Variants in P2RY12 observed in about 807,000 individuals in gnomAD.
P2RY12 encodes purinergic receptor P2Y12.
Under a neutral mutation model 4.5 loss-of-function variants are expected in P2RY12, and 3 were observed. The observed-to-expected ratio is 0.67, with a 90% CI of 0.31 to 1.74. P2RY12 has a LOEUF of 1.74. Among genes scored for constraint, P2RY12 ranks in the 40% most tolerant of loss-of-function variants. P2RY12 has a pLI of 0.09. For synonymous variants in P2RY12, 148 were observed against 154.1 expected (o/e 0.96, Z 0.29); for missense variants, 356 against 407.8 (o/e 0.87, Z 1.09).
intron 1 of P2RY12, chr3:151,369,378 A>G: frequency 2.5e-6 from 3 of 1,216,902 alleles, no homozygotes; most frequent in Non-Finnish European, 3.5e-6. Context: ...CCTGTAAATA[A>G]TTACAAAACA....
intron 1 of P2RY12, among the ~76,000 whole-genome samples, chr3:151,352,074 G>C (rs1753302362): frequency 6.6e-6 from 1 of 152,086 alleles, no homozygotes; most frequent in African/African-American, 2.4e-5. Flanking sequence ...GAAATCTTGG[G>C]GATGAGACCC....
intron 1 of P2RY12, among the ~76,000 whole-genome samples, chr3:151,343,702 T>C (rs7641645): frequency 0.4 from 60,068 of 152,000 alleles, 12,145 homozygotes; most frequent in African/African-American, 0.47. Flanking sequence ...TTATTTTGTA[T>C]AATTGAGATG....
intron 1 of P2RY12, chr3:151,382,640 T>G: frequency 2.5e-6 from 4 of 1,597,336 alleles, no homozygotes; most frequent in Non-Finnish European, 3.4e-6. Flanking sequence ...ATGGGGAGTT[T>G]TTTTCCGGAT....
chr3:151,350,078 A>T (rs1753029945), intron 1 of P2RY12: 1 of 1,611,588 alleles, frequency 6.2e-7, no homozygotes, highest in African/African-American at 1.3e-5. Context: ...TCAAGTCATG[A>T]ATGTAACCAG....
Position 151,368,679 on chromosome 3 carries a change from CATTTCATTTT to C in P2RY12, c.-180+16003_-180+16012del, listed in dbSNP as rs1301662842. On this transcript the variant is annotated intron_variant, in intron 1 of 2. Coordinates refer to ENST00000302632, the MANE Select transcript of P2RY12 (RefSeq NM_022788.5). ...CATTTCATTTCATTTCATTTCATGT[CATTTCATTTT>C]ATTTCATTTCATTTCATTTCATTTC... Among the ~76,000 whole-genome samples, 49 of 41,908 alleles carry C rather than the reference CATTTCATTTT, an allele frequency of 1.2e-3. 2 individuals carry two copies. Among genetic ancestry groups the C allele is most frequent in the South Asian group, 3.5e-3 (4 of 1,150 alleles). The allele number at this position is 41,908 out of a possible 152,430, so 27.5% of individuals were successfully genotyped here.
At chr3:151,367,790 C>T (rs3732764) in intron 1 of P2RY12, 27 of 1,584,314 alleles carry the variant, frequency 1.7e-5, no homozygotes, top group Admixed American at 5.3e-5. Context: ...CATGAACATC[C>T]GTTGCTCTTT....
At chr3:151,367,114 G>A (rs965973287) in intron 1 of P2RY12, among the ~76,000 whole-genome samples, 94 of 60,982 alleles carry the variant, frequency 1.5e-3, no homozygotes, top group African/African-American at 0.011. Context: ...TTCCCCCTCT[G>A]TCCTTTTTCT....
At chr3:151,377,099 A>T in intron 1 of P2RY12, 1 of 1,614,118 alleles carries the variant, frequency 6.2e-7, no homozygotes, top group Non-Finnish European at 8.5e-7. Flanking sequence ...TAATTCTGGC[A>T]TGAGCCTCTT....
intron 1 of P2RY12, among the ~76,000 whole-genome samples, chr3:151,360,119 A>C (rs1754428914): frequency 6.6e-6 from 1 of 152,088 alleles, no homozygotes; most frequent in African/African-American, 2.4e-5. Flanking sequence ...ACGCTGATGG[A>C]ATTTGTGAAT....
chr3:151,354,594 A>G (rs1753688050), intron 1 of P2RY12, among the ~76,000 whole-genome samples: 1 of 152,248 alleles, frequency 6.6e-6, no homozygotes, highest in African/African-American at 2.4e-5. Flanking sequence ...TATCATTGTA[A>G]TTTAAAAGTT....
intron 1 of P2RY12, among the ~76,000 whole-genome samples, chr3:151,343,906 T>C (rs1275664640): frequency 6.6e-6 from 1 of 152,170 alleles, no homozygotes. Context: ...TTAGGCTGTT[T>C]TAGTTCCAGT....
chr3:151,378,174 G>T, intron 1 of P2RY12: 1 of 1,599,738 alleles, frequency 6.3e-7, no homozygotes, highest in Non-Finnish European at 8.5e-7. Context: ...AACAGAAAAG[G>T]TGTGGCTGGA....
rs868790738 is a variant in P2RY12 at position 151,337,840 on chromosome 3, G to T, written c.1006C>A (p.Pro336Thr). The change falls in exon 3 of 3, where the codon CCA (proline) becomes ACA (threonine). Residue 336 changes from proline (P) to threonine (T), a missense_variant. Transcript: ENST00000302632. ...NRKKEQDGGD[P>T]NEETPM Reference sequence around the variant, plus strand: ...GTTTACATTGGAGTCTCTTCATTTGGGTCACCACCATCCTGTTCTTTTTTC... The same window carrying T: ...GTTTACATTGGAGTCTCTTCATTTGTGTCACCACCATCCTGTTCTTTTTTC... 1 of 1,613,918 alleles carries T rather than the reference G, an allele frequency of 6.2e-7. No homozygotes were observed. The highest frequency in any genetic ancestry group is 8.5e-7 in the Non-Finnish European group (1 of 1,179,946).
At chr3:151,364,029 C>G (rs1754968515) in intron 1 of P2RY12, among the ~76,000 whole-genome samples, 1 of 152,072 alleles carries the variant, frequency 6.6e-6, no homozygotes, top group African/African-American at 2.4e-5. Flanking sequence ...TAGGTCACCA[C>G]AAACCACAAA....
intron 1 of P2RY12, among the ~76,000 whole-genome samples, chr3:151,361,918 A>G (rs1754656881): frequency 6.6e-6 from 1 of 152,074 alleles, no homozygotes; most frequent in African/African-American, 2.4e-5. Context: ...ATGCTTATTT[A>G]ATGTTATTTT....
intron 1 of P2RY12, among the ~76,000 whole-genome samples, chr3:151,351,248 C>T (rs116643065): frequency 5.0e-4 from 76 of 152,180 alleles, no homozygotes; most frequent in African/African-American, 1.8e-3. Context: ...TCTTTCTTCC[C>T]GGTCAATCAT....
intron 1 of P2RY12, among the ~76,000 whole-genome samples, chr3:151,346,077 G>A (rs1752499386): frequency 6.6e-6 from 1 of 152,132 alleles, no homozygotes; most frequent in Non-Finnish European, 1.5e-5. Context: ...TCATGACTTT[G>A]TTCCTTGGCC....
At chr3:151,378,033 A>G in intron 1 of P2RY12, 3 of 1,609,932 alleles carry the variant, frequency 1.9e-6, no homozygotes, top group Non-Finnish European at 1.7e-6. Flanking sequence ...GCAGGGGTGT[A>G]TGGTTGGTGG....
chr3:151,355,384 G>T, intron 1 of P2RY12: 1 of 559,372 alleles, frequency 1.8e-6, no homozygotes, highest in South Asian at 2.8e-5. Flanking sequence ...CTATTGAGTA[G>T]TTCTTTTAAG....
Sources: gnomAD v4.1 joint callset for allele counts (sites outside exome capture counted in the v4.1 genomes callset) on GRCh38, gnomAD v4.1.1 for gene constraint, MANE v1.5 for transcripts, NCBI Gene and HGNC (gene_info 2026-07-23, HGNC 2026-07-21) for gene names.